Variants in PDE4D observed in about 807,000 individuals in gnomAD.
PDE4D encodes 3',5'-cyclic-AMP phosphodiesterase 4D.
A neutral mutation model predicts 87.4 loss-of-function variants in PDE4D; 24 were observed. The observed-to-expected ratio is 0.27, with a 90% CI of 0.20 to 0.39. PDE4D has a LOEUF of 0.39. Among genes scored for constraint, PDE4D ranks in the 10% least tolerant of loss-of-function variants. The probability of loss-of-function intolerance (pLI) is 1.00; values close to 1 mark genes in which losing one functional copy is unlikely to be tolerated. For missense variants in PDE4D, 714 were observed against 1,041.0 expected, an observed-to-expected ratio of 0.69 and a Z score of 4.32; for synonymous variants, 384 against 383.2, an observed-to-expected ratio of 1.00 and a Z score of -0.02.
chr5:60,340,802 T>C (rs765226332), intron 1 of PDE4D, among the ~76,000 whole-genome samples: 30 of 152,160 alleles, frequency 2.0e-4, no homozygotes, highest in Non-Finnish European at 3.2e-4. Context: ...ATAATAATAA[T>C]ATGGATTTTC....
intron 1 of PDE4D, among the ~76,000 whole-genome samples, chr5:60,496,531 C>T (rs1467137967): frequency 2.0e-5 from 3 of 152,056 alleles, no homozygotes; most frequent in African/African-American, 7.2e-5. Context: ...AGCTTTCTCT[C>T]TTTGAATCTG....
intron 1 of PDE4D, among the ~76,000 whole-genome samples, chr5:59,792,496 C>A (rs1323817041): frequency 1.3e-5 from 2 of 149,878 alleles, no homozygotes; most frequent in African/African-American, 2.5e-5. Context: ...ATGGAAAAAG[C>A]ACTAACAAGG....
At chr5:59,039,635 A>C in intron 5 of PDE4D, 1 of 432,786 alleles carries the variant, frequency 2.3e-6, no homozygotes, top group Non-Finnish European at 3.1e-6. Context: ...GCTCCTCCTC[A>C]ACCCCCTTAC....
At chr5:59,536,398 G>A (rs563987671) in intron 1 of PDE4D, among the ~76,000 whole-genome samples, 9 of 150,546 alleles carry the variant, frequency 6.0e-5, no homozygotes, top group African/African-American at 2.0e-4. Flanking sequence ...CCAGCTACTC[G>A]GGAGGCTGAG....
chr5:58,981,656 G>A (rs1232907824), intron 11 of PDE4D, among the ~76,000 whole-genome samples: 1 of 152,006 alleles, frequency 6.6e-6, no homozygotes, highest in Non-Finnish European at 1.5e-5. Context: ...GGTCATAGCT[G>A]GTATTTGTAA....
rs946578610 is a variant in PDE4D, at chr5:59,039,497, G to C, written c.809-526C>G. On this transcript the variant is annotated intron_variant, in intron 5 of 14. Transcript: ENST00000340635. ...GAAGTGAATGAATCAGCCGCGGCCG[G>C]GTGCGCGGCCACCACGTTTCCTGTT... 8 of 985,474 alleles carry C rather than the reference G, an allele frequency of 8.1e-6. No individual in the cohort carries two copies. The African/African-American group carries it at 1.2e-4, about 15-fold the overall frequency. The allele number at this position is 985,474 out of a possible 1,614,324, so 61.0% of individuals were successfully genotyped here.
chr5:60,308,435 G>A (rs755712023), intron 1 of PDE4D, among the ~76,000 whole-genome samples: 1 of 152,176 alleles, frequency 6.6e-6, no homozygotes, highest in Non-Finnish European at 1.5e-5. Context: ...CCACCCACTT[G>A]TGGGTCTGTT....
At chr5:59,788,350 A>G (rs114322276) in intron 1 of PDE4D, among the ~76,000 whole-genome samples, 291 of 152,322 alleles carry the variant, frequency 1.9e-3, no homozygotes, top group African/African-American at 6.7e-3. Flanking sequence ...GCTGAGCCCA[A>G]TAACAAAACC....
At chr5:60,113,761 CCTCT>C (rs1218460291) in intron 2 of PDE4D, among the ~76,000 whole-genome samples, 6 of 152,232 alleles carry the variant, frequency 3.9e-5, no homozygotes, top group South Asian at 2.1e-4. Context: ...TCAACCACTC[CCTCT>C]AAGTTGGCTC....
At chr5:59,783,586 A>G (rs1764834906) in intron 1 of PDE4D, among the ~76,000 whole-genome samples, 1 of 152,180 alleles carries the variant, frequency 6.6e-6, no homozygotes, top group South Asian at 2.1e-4. Flanking sequence ...CTCCTGTACC[A>G]ATCTTCAATT....
intron 1 of PDE4D, among the ~76,000 whole-genome samples, chr5:60,358,251 C>T (rs551935661): frequency 1.4e-4 from 21 of 152,192 alleles, no homozygotes; most frequent in Admixed American, 4.6e-4. Flanking sequence ...GCAGAGAAGA[C>T]GGATTATATA....
chr5:59,812,534 G>A (rs546843947), intron 1 of PDE4D, among the ~76,000 whole-genome samples: 12 of 152,168 alleles, frequency 7.9e-5, no homozygotes, highest in East Asian at 1.9e-4. Flanking sequence ...TTAGCCAGGC[G>A]TGGTGGCGCA....
chr5:59,771,499 G>GA (rs760590848), intron 1 of PDE4D, among the ~76,000 whole-genome samples: 1,033 of 19,444 alleles, frequency 0.053, 74 homozygotes, highest in African/African-American at 0.09. Flanking sequence ...GAGAGAGAGA[G>GA]AAGAAAGAAA....
intron 2 of PDE4D, among the ~76,000 whole-genome samples, chr5:60,038,275 G>T (rs982066762): frequency 5.3e-5 from 8 of 152,266 alleles, no homozygotes; most frequent in African/African-American, 1.2e-4. Context: ...GTTTAAGTCT[G>T]TAATCCATCT....
chr5:59,578,999 T>C (rs958568173), intron 1 of PDE4D, among the ~76,000 whole-genome samples: 1 of 152,122 alleles, frequency 6.6e-6, no homozygotes, highest in Non-Finnish European at 1.5e-5. Context: ...AGAAGTAGTT[T>C]GCACAACTTT....
intron 1 of PDE4D, among the ~76,000 whole-genome samples, chr5:59,652,846 A>T (rs1247901157): frequency 6.6e-6 from 1 of 152,104 alleles, no homozygotes; most frequent in East Asian, 1.9e-4. Context: ...TCAGAAATAT[A>T]AATGCAATTA....
chr5:60,049,908 C>T (rs1467368741), intron 2 of PDE4D, among the ~76,000 whole-genome samples: 1 of 152,230 alleles, frequency 6.6e-6, no homozygotes, highest in African/African-American at 2.4e-5. Context: ...TTTGAGCTTC[C>T]TGGCTGCTTT....
intron 1 of PDE4D, among the ~76,000 whole-genome samples, chr5:59,866,947 G>A (rs1280376626): frequency 6.6e-6 from 1 of 152,152 alleles, no homozygotes; most frequent in Non-Finnish European, 1.5e-5. Context: ...CCACCCTAGA[G>A]ACTAACTAAG....
At chr5:60,389,566 A>C (rs1053242611) in intron 1 of PDE4D, among the ~76,000 whole-genome samples, 1 of 152,136 alleles carries the variant, frequency 6.6e-6, no homozygotes, top group African/African-American at 2.4e-5. Context: ...TTTCTCACAA[A>C]TCTACAATTT....
Sources: gnomAD v4.1 joint callset for allele counts (sites outside exome capture counted in the v4.1 genomes callset) on GRCh38, gnomAD v4.1.1 for gene constraint, MANE v1.5 for transcripts, NCBI Gene and HGNC (gene_info 2026-07-23, HGNC 2026-07-21) for gene names.